The following KDM4C variants were observed in gnomAD, a reference collection of about 807,000 sequenced individuals.
The protein encoded by KDM4C is lysine-specific demethylase 4C.
Under a neutral mutation model 129.3 loss-of-function variants are expected in KDM4C, and 81 were observed. The observed-to-expected ratio is 0.63, with a 90% CI of 0.52 to 0.75. The LOEUF (loss-of-function observed/expected upper bound fraction) is 0.75, where lower values mean the gene tolerates loss of function less well. Ranked by LOEUF, KDM4C falls within the 30% of genes least tolerant of loss-of-function variation. The pLI, the probability that KDM4C is intolerant of heterozygous loss-of-function variation, is 0.00. For missense variants in KDM4C, 1,457 were observed against 1,304.0 expected (o/e 1.12, Z -1.81); for synonymous variants, 573 against 456.1 (o/e 1.26, Z -3.26).
At chr9:7,147,759 T>C (rs976287887) in intron 19 of KDM4C, among the ~76,000 whole-genome samples, 95 of 152,312 alleles carry the variant, frequency 6.2e-4, no homozygotes, top group Non-Finnish European at 2.1e-4. Flanking sequence ...CTTGCTCTGC[T>C]AATTAGCTGT....
intron 9 of KDM4C, chr9:6,982,201 A>G (rs1477126996): frequency 1.3e-5 from 2 of 149,122 alleles, no homozygotes; most frequent in Non-Finnish European, 3.0e-5. Context: ...CAGACTTATG[A>G]TGCTTATTTT....
At chr9:6,867,732 G>A (rs1842263770) in intron 5 of KDM4C, among the ~76,000 whole-genome samples, 1 of 152,138 alleles carries the variant, frequency 6.6e-6, no homozygotes, top group Non-Finnish European at 1.5e-5. Flanking sequence ...CAGGTATTGA[G>A]CTAGGTGTCA....
At chr9:7,076,953 C>T (rs1833994671) in intron 17 of KDM4C, 2 of 986,152 alleles carry the variant, frequency 2.0e-6, no homozygotes, top group South Asian at 4.7e-5. Flanking sequence ...TTTTCTACAG[C>T]ACATCACAGG....
chr9:7,056,097 T>C (rs929639303), intron 17 of KDM4C, among the ~76,000 whole-genome samples: 10 of 152,080 alleles, frequency 6.6e-5, no homozygotes, highest in African/African-American at 2.2e-4. Flanking sequence ...ACATTGACAA[T>C]GATGAGAAAA....
At chr9:7,025,658 C>T (rs1825688715) in intron 15 of KDM4C, among the ~76,000 whole-genome samples, 1 of 152,198 alleles carries the variant, frequency 6.6e-6, no homozygotes, top group Admixed American at 6.5e-5. Flanking sequence ...AAGCTCTACA[C>T]TTTAGCCTCT....
rs999836192 is a variant in KDM4C at position 7,170,509 on chromosome 9, C to G, written c.2994+619C>G. On this transcript the variant is annotated intron_variant, in intron 21 of 21. Transcript: ENST00000381309. ...CCATTAAAAGATGAACAAACATGGA[C>G]AAATATTCAAAACTGCAGTCATTGA... 5.1e-6 allele frequency: 5 copies of G among 974,644 alleles called. No individual in the cohort carries two copies. In the African/African-American group the frequency reaches 8.8e-5, roughly 17 times the overall value. The allele number at this position is 974,644 out of a possible 1,614,324, so 60.4% of individuals were successfully genotyped here.
intron 4 of KDM4C, among the ~76,000 whole-genome samples, chr9:6,823,927 AC>A (rs1284517320): frequency 6.6e-6 from 1 of 152,142 alleles, no homozygotes; most frequent in East Asian, 1.9e-4. Flanking sequence ...TTTTCAGGAG[AC>A]ATTTTCACTC....
chr9:6,994,827 C>T (rs370960761), intron 12 of KDM4C, among the ~76,000 whole-genome samples: 1 of 152,192 alleles, frequency 6.6e-6, no homozygotes, highest in Non-Finnish European at 1.5e-5. Flanking sequence ...TATGTCAGCT[C>T]TTTCAGTTTT....
intron 19 of KDM4C, among the ~76,000 whole-genome samples, chr9:7,156,624 T>G (rs1385513251): frequency 6.6e-6 from 1 of 152,194 alleles, no homozygotes; most frequent in Non-Finnish European, 1.5e-5. Context: ...TTTCCCCATT[T>G]CTTGTTTTTG....
intron 15 of KDM4C, among the ~76,000 whole-genome samples, chr9:7,021,243 C>T (rs1001128167): frequency 2.0e-5 from 3 of 151,864 alleles, no homozygotes; most frequent in African/African-American, 7.3e-5. Context: ...CCTCTGCCTC[C>T]CAGGTTCCAG....
At chr9:6,880,932 C>G (rs1287198842) in intron 6 of KDM4C, among the ~76,000 whole-genome samples, 1 of 152,174 alleles carries the variant, frequency 6.6e-6, no homozygotes, top group Non-Finnish European at 1.5e-5. Context: ...CTGGTAGTGA[C>G]TTATTTCCAG....
intron 6 of KDM4C, among the ~76,000 whole-genome samples, chr9:6,883,353 A>G (rs1588914593): frequency 6.6e-6 from 1 of 152,338 alleles, no homozygotes; most frequent in East Asian, 1.9e-4. Flanking sequence ...AAGACCAGTG[A>G]TATATCCTCT....
At chr9:7,086,328 A>G (rs559248536) in intron 17 of KDM4C, among the ~76,000 whole-genome samples, 1 of 152,232 alleles carries the variant, frequency 6.6e-6, no homozygotes, top group African/African-American at 2.4e-5. Context: ...CCCCTCTCAT[A>G]TACAGTGATT....
intron 8 of KDM4C, among the ~76,000 whole-genome samples, chr9:6,949,193 C>T (rs1257232222): frequency 2.0e-5 from 3 of 151,228 alleles, no homozygotes; most frequent in Admixed American, 1.3e-4. Context: ...GGCGGAGGGG[C>T]TCCTCACTTC....
chr9:6,981,889 A>G (rs1409586649), intron 9 of KDM4C: 1 of 263,072 alleles, frequency 3.8e-6, no homozygotes, highest in Non-Finnish European at 9.1e-6. Flanking sequence ...TAAAATAAGG[A>G]AAAGAATAAT....
At chr9:6,818,272 A>G (rs911241227) in intron 4 of KDM4C, among the ~76,000 whole-genome samples, 7 of 152,184 alleles carry the variant, frequency 4.6e-5, no homozygotes, top group African/African-American at 1.7e-4. Flanking sequence ...CATCTAGACT[A>G]CCAATTTCAA....
At chr9:6,814,831 TG>T (rs1831785866) in intron 4 of KDM4C, 86 bp downstream of exon 4, 1 of 763,400 alleles carries the variant, frequency 1.3e-6, no homozygotes, top group African/African-American at 1.8e-5. Context: ...AGTGTTCTTT[TG>T]TTGTGCTTTT....
chr9:6,960,524 G>A (rs1409279229), intron 8 of KDM4C, among the ~76,000 whole-genome samples: 1 of 152,008 alleles, frequency 6.6e-6, no homozygotes, highest in Non-Finnish European at 1.5e-5. Context: ...CTTCCAAAAT[G>A]CTGGAATTAC....
intron 8 of KDM4C, 50 bp from the exon 9 acceptor site, chr9:6,980,875 C>A (rs752679714): frequency 2.6e-6 from 4 of 1,516,470 alleles, no homozygotes; most frequent in Non-Finnish European, 3.7e-6. Flanking sequence ...CTCTGTGTTA[C>A]TGTATAGTTA....
Sources: allele counts gnomAD v4.1 joint callset (sites outside exome capture counted in the v4.1 genomes callset), GRCh38; gene constraint gnomAD v4.1.1; transcripts MANE v1.5; gene names NCBI Gene and HGNC (gene_info 2026-07-23, HGNC 2026-07-21).